Variants in NEB observed in about 807,000 individuals in gnomAD.
The protein encoded by NEB is nemaline myopathy type 2.
A neutral mutation model predicts 952.2 loss-of-function variants in NEB; 512 were observed. The ratio of observed to expected loss-of-function variants is 0.54; its 90% CI spans 0.50 to 0.58. The LOEUF (loss-of-function observed/expected upper bound fraction) is 0.58, where lower values mean the gene tolerates loss of function less well. NEB is among the 20% of genes least tolerant of loss of function. NEB has a pLI of 0.00. For synonymous variants in NEB, 2,900 were observed against 3,149.8 expected (o/e 0.92, Z 2.66); for missense variants, 8,428 against 9,231.1 (o/e 0.91, Z 3.56).
In NEB at chr2:151,628,666, C is replaced by T. The variant is rs184980136; in HGVS notation, c.9832-832G>A. On this transcript the variant is annotated intron_variant, in intron 68 of 181. Coordinates refer to ENST00000397345, the MANE Select transcript of NEB (RefSeq NM_001164508.2). ...GACCAGCCTAGCCAACATGGTGCAACGCTGTCTCTACTAAAAATACAAAAA... is the reference window on the plus strand; with the variant it reads ...GACCAGCCTAGCCAACATGGTGCAATGCTGTCTCTACTAAAAATACAAAAA... Among the ~76,000 whole-genome samples the T allele has an allele frequency of 3.3e-4, 50 of 152,050 alleles. 1 individual carries two copies. Among genetic ancestry groups the T allele is most frequent in the South Asian group, 2.3e-3 (11 of 4,808 alleles).
chr2:151,609,544 G>T (rs1423648649), intron 81 of NEB, among the ~76,000 whole-genome samples: 1 of 152,192 alleles, frequency 6.6e-6, no homozygotes, highest in Non-Finnish European at 1.5e-5. Flanking sequence ...CCAAGGAAAT[G>T]CTGTTTAGTG....
At position 151,693,671 on chromosome 2, in the gene NEB, G is replaced by A. The variant is rs1226218254; in HGVS notation, c.1896+652C>T. ...TTTCTTTATACAATCTATCGTTGTT[G>A]ATTCCTTGTCTTTGCTATTGTGAAT... is the stretch of plus-strand genomic sequence containing the variant. On this transcript the variant is annotated intron_variant, in intron 20 of 181. Coordinates refer to ENST00000397345, the MANE Select transcript of NEB (RefSeq NM_001164508.2). Among the ~76,000 whole-genome samples the A allele has an allele frequency of 2.0e-5, 3 of 152,040 alleles. No homozygotes were observed. In the East Asian group the frequency reaches 5.8e-4, roughly 29 times the overall value.
chr2:151,627,021 T>C lies in NEB; in HGVS notation c.10328A>G (p.Asn3443Ser). 1.2e-6 allele frequency: 2 copies of C among 1,613,958 alleles called. No homozygotes were observed. The highest frequency in any genetic ancestry group is 1.3e-5 in the African/African-American group (1 of 75,038). ...DSLEQVLAKN[N>S]ALNMNKRLYT... ...GCTCACCTTGTTCATATTGAGAGCA[T>C]TGTTCTTGGCCAGCACCTGCTCTAG... The change falls in exon 70 of 182, where the codon AAT (asparagine) becomes AGT (serine). Residue 3443 changes from asparagine to serine, a missense_variant. Transcript: ENST00000397345.
At chr2:151,563,267 G>C (rs2096199925) in intron 119 of NEB, among the ~76,000 whole-genome samples, 1 of 152,008 alleles carries the variant, frequency 6.6e-6, no homozygotes, top group African/African-American at 2.4e-5. Context: ...TGCCTGCCTT[G>C]GCCTCCAAAG....
intron 153 of NEB, among the ~76,000 whole-genome samples, chr2:151,522,606 A>G (rs1275067965): frequency 4.6e-5 from 7 of 152,202 alleles, no homozygotes; most frequent in Admixed American, 4.6e-4. Context: ...TTCCACAGCA[A>G]TCTACACGTT....
chr2:151,556,761 T>C (rs1408461747), intron 124 of NEB, among the ~76,000 whole-genome samples: 1 of 102,982 alleles, frequency 9.7e-6, no homozygotes, highest in Non-Finnish European at 2.1e-5. Flanking sequence ...ACAATAATAG[T>C]GGGAGACTTT....
chr2:151,641,450 G>T (rs1272773845), intron 60 of NEB, among the ~76,000 whole-genome samples: 3 of 152,106 alleles, frequency 2.0e-5, no homozygotes, highest in Non-Finnish European at 2.9e-5. Flanking sequence ...TCCCACCTCA[G>T]CTTCTGAGTA....
chr2:151,524,908 T>C (rs890897680), intron 151 of NEB, among the ~76,000 whole-genome samples: 40 of 152,050 alleles, frequency 2.6e-4, no homozygotes, highest in Admixed American at 2.6e-4. Flanking sequence ...CCTCGTGATC[T>C]GCCTGTCTTG....
chr2:151,642,630 G>T lies in NEB; in HGVS notation c.8317C>A (p.Arg2773=), dbSNP rs776175154. 6.2e-7 allele frequency: 1 copy of T among 1,613,694 alleles called. No individual in the cohort carries two copies. The highest frequency in any genetic ancestry group is 8.5e-7 in the Non-Finnish European group (1 of 1,179,826). Residue 2773 remains arginine (R), a synonymous_variant, in exon 60 of 182, where the codon CGG becomes AGG. Transcript: ENST00000397345. ...EEAKRKGYDM[R]VDAIPIKAAK... is the part of the protein sequence containing the mutation. ...GCCTTGATAGGAATGGCATCTACCC[G>T]CATGTCATAACCTTTCCTCTTGGCT... is the stretch of plus-strand genomic sequence containing the variant.
intron 30 of NEB, among the ~76,000 whole-genome samples, chr2:151,680,284 A>G (rs1394024232): frequency 6.6e-6 from 1 of 152,122 alleles, no homozygotes. Context: ...CTAGCTCAGG[A>G]AAGTGTAATA....
chr2:151,538,644 GA>G (rs201177994), intron 138 of NEB, among the ~76,000 whole-genome samples: 133 of 146,452 alleles, frequency 9.1e-4, no homozygotes, highest in African/African-American at 3.0e-3. Flanking sequence ...TCATTTGAGA[GA>G]AAAAAAAAAC....
In NEB at chr2:151,650,334, T is replaced by A. The variant is rs758881101; in HGVS notation, c.7273A>T (p.Ser2425Cys). ...DLEWLRGIGWSPLGSLEAEKN... is the reference protein window; with the variant it reads ...DLEWLRGIGWCPLGSLEAEKN... Reference sequence around the variant, plus strand: ...TCTGCCTCTAAAGAACCCAAGGGACTCCATCCTATGCCTCTCAGCCACTCA... The same window carrying A: ...TCTGCCTCTAAAGAACCCAAGGGACACCATCCTATGCCTCTCAGCCACTCA... Residue 2425 changes from serine (S) to cysteine (C), a missense_variant, in exon 54 of 182, where the codon AGT (serine) becomes TGT (cysteine). By Grantham distance (112) the Ser-to-Cys change is moderately radical. Transcript: ENST00000397345. The A allele has an allele frequency of 5.6e-6, 9 of 1,613,934 alleles. No homozygotes were observed. The highest frequency in any genetic ancestry group is 7.6e-6 in the Non-Finnish European group (9 of 1,179,858).
At chr2:151,510,607 T>C (rs1227807319) in intron 161 of NEB, among the ~76,000 whole-genome samples, 1 of 152,246 alleles carries the variant, frequency 6.6e-6, no homozygotes, top group Non-Finnish European at 1.5e-5. Context: ...ACCACATTCA[T>C]GTAACTATAT....
chr2:151,590,930 AAC>A (rs1281565582), intron 96 of NEB, among the ~76,000 whole-genome samples: 3 of 5,772 alleles, frequency 5.2e-4, no homozygotes, highest in African/African-American at 1.4e-3. Flanking sequence ...CGTGGAAAAA[AAC>A]AGTGTATTTC....
intron 130 of NEB, 37 bp downstream of exon 130, chr2:151,549,599 C>T: frequency 7.3e-7 from 1 of 1,376,858 alleles, no homozygotes; most frequent in Non-Finnish European, 1.0e-6. Flanking sequence ...TGCCACCCCA[C>T]CTTCAGACCC....
chr2:151,525,081 ACAC>A, intron 151 of NEB, 79 bp downstream of exon 151: 1 of 994,924 alleles, frequency 1.0e-6, no homozygotes, highest in Non-Finnish European at 1.6e-6. Flanking sequence ...TAGAGTGACC[ACAC>A]ACTGGAACAA....
At chr2:151,520,748 C>A (rs1360847746) in intron 153 of NEB, among the ~76,000 whole-genome samples, 1 of 152,162 alleles carries the variant, frequency 6.6e-6, no homozygotes, top group Admixed American at 6.5e-5. Context: ...CCTGTAGTCT[C>A]AGCTACTCAG....
chr2:151,563,107 TG>T (rs971938439), intron 119 of NEB, among the ~76,000 whole-genome samples: 1 of 148,844 alleles, frequency 6.7e-6, no homozygotes, highest in Non-Finnish European at 1.5e-5. Flanking sequence ...CTCTGCCTCC[TG>T]GGTTCAAATA....
chr2:151,672,251 T>G, intron 37 of NEB, 118 bp downstream of exon 37: 1 of 1,005,770 alleles, frequency 9.9e-7, no homozygotes, highest in Non-Finnish European at 1.4e-6. Flanking sequence ...TCAGTAATGG[T>G]TGTTTATTCT....
Sources: gnomAD v4.1 joint callset for allele counts (sites outside exome capture counted in the v4.1 genomes callset) on GRCh38, gnomAD v4.1.1 for gene constraint, MANE v1.5 for transcripts, NCBI Gene and HGNC (gene_info 2026-07-23, HGNC 2026-07-21) for gene names.